Variants in PTPN23 observed in about 807,000 individuals in gnomAD.
The protein encoded by PTPN23 is tyrosine-protein phosphatase non-receptor type 23.
Under a neutral mutation model 156.3 loss-of-function variants are expected in PTPN23, and 72 were observed. The observed-to-expected ratio is 0.46, with a 90% confidence interval of 0.38 to 0.56. The LOEUF is 0.56. Among genes scored for constraint, PTPN23 ranks in the 20% least tolerant of loss-of-function variants. PTPN23 has a pLI of 0.00. For synonymous variants in PTPN23, 957 were observed against 899.6 expected (o/e 1.06, Z -1.14); for missense variants, 1,974 against 2,171.5 (o/e 0.91, Z 1.81).
At position 47,381,113 on chromosome 3, in the gene PTPN23, G is replaced by A. The variant is rs1186144844; in HGVS notation, c.17G>A (p.Arg6His). The A allele has an allele frequency of 6.3e-7, 1 of 1,582,674 alleles. No homozygotes were observed. ...CCAGCCGCCATGGAGGCCGTGCCCC[G>A]CATGCCCATGATCTGGCTGGACCTG... MEAVPRMPMIWLDLKE... is the reference protein window; with the variant it reads MEAVPHMPMIWLDLKE... Residue 6 changes from arginine (R) to histidine (H), a missense_variant, in exon 1 of 25, where the codon CGC (arginine) becomes CAC (histidine). Physicochemically the swap from Arg to His is conservative, Grantham distance 29 (BLOSUM62 0). Coordinates refer to ENST00000265562, the MANE Select transcript of PTPN23 (RefSeq NM_015466.4).
chr3:47,381,238 G>A (rs1704530448), intron 1 of PTPN23, 58 bp downstream of exon 1: 1 of 1,545,108 alleles, frequency 6.5e-7, no homozygotes, highest in Admixed American at 2.0e-5. Flanking sequence ...GTCTGCAAGC[G>A]CGTGACGCCC....
At chr3:47,387,854 G>T (rs2107693679) in intron 1 of PTPN23, among the ~76,000 whole-genome samples, 1 of 152,328 alleles carries the variant, frequency 6.6e-6, no homozygotes, top group South Asian at 2.1e-4. Flanking sequence ...TCTGGAGTCA[G>T]GAAATCTGTC....
chr3:47,408,945 G>C lies in PTPN23; in HGVS notation c.1500G>C (p.Lys500Asn), dbSNP rs755854788. ...CAGAGGTGAGGCGAGAATGGGCCAAGTACATGGAAGTCCATGAGAAGGCCT... is the reference window on the plus strand; with the variant it reads ...CAGAGGTGAGGCGAGAATGGGCCAACTACATGGAAGTCCATGAGAAGGCCT... ...ELAEVRREWA[K>N]YMEVHEKASF... The change falls in exon 16 of 25, where the codon AAG (lysine) becomes AAC (asparagine). Residue 500 changes from lysine (K) to asparagine (N), a missense_variant. Transcript: ENST00000265562. 1.9e-6 allele frequency: 3 copies of C among 1,614,118 alleles called. No homozygotes were observed. The African/African-American group carries it at 4.0e-5, about 22-fold the overall frequency.
At chr3:47,391,713 G>C (rs1315275540) in intron 1 of PTPN23, among the ~76,000 whole-genome samples, 2 of 152,130 alleles carry the variant, frequency 1.3e-5, no homozygotes, top group Admixed American at 6.5e-5. Flanking sequence ...GGAGTCTCCT[G>C]TCCATCTGAT....
At chr3:47,389,669 T>C (rs1704727871) in intron 1 of PTPN23, among the ~76,000 whole-genome samples, 1 of 151,760 alleles carries the variant, frequency 6.6e-6, no homozygotes, top group Non-Finnish European at 1.5e-5. Flanking sequence ...TGAATCCCCG[T>C]CTCCACTAAA....
chr3:47,390,352 C>T (rs1303032906), intron 1 of PTPN23, among the ~76,000 whole-genome samples: 1 of 151,358 alleles, frequency 6.6e-6, no homozygotes, highest in African/African-American at 2.4e-5. Context: ...GATCCCTGGA[C>T]GTGCCCTCAC....
At chr3:47,381,310 T>G (rs1704532489) in intron 1 of PTPN23, 130 bp downstream of exon 1, 1 of 1,293,606 alleles carries the variant, frequency 7.7e-7, no homozygotes, top group Admixed American at 2.3e-5. Context: ...AGGAGGGGCC[T>G]TCGCCGGTTT....
chr3:47,405,863 A>G lies in PTPN23; in HGVS notation c.415-52A>G. 6.2e-7 allele frequency: 1 copy of G among 1,601,040 alleles called. No individual in the cohort carries two copies. The highest frequency in any genetic ancestry group is 1.1e-5 in the South Asian group (1 of 89,388). On this transcript the variant is annotated intron_variant, in intron 5 of 24. Coordinates refer to ENST00000265562, the MANE Select transcript of PTPN23 (RefSeq NM_015466.4). This position sits in a 1 kb window ranked among gnomAD's most constrained non-coding sequence, Gnocchi z 4.7. The stretch of plus-strand genomic sequence containing the variant: ...GGGAGGGGCAGCCTCCCAAGTATGG[A>G]TGAATCCTGACCCATGGAGTGGACA...
At chr3:47,385,463 G>A (rs969627746) in intron 1 of PTPN23, among the ~76,000 whole-genome samples, 1 of 152,106 alleles carries the variant, frequency 6.6e-6, no homozygotes, top group Non-Finnish European at 1.5e-5. Flanking sequence ...GATTGCTTGA[G>A]TCCAGGAGTT....
chr3:47,406,392 G>A lies in PTPN23; in HGVS notation c.614G>A (p.Arg205His). Residue 205 changes from arginine to histidine, a missense_variant, in exon 7 of 25, where the codon CGC (arginine) becomes CAC (histidine). Coordinates refer to ENST00000265562, the MANE Select transcript of PTPN23 (RefSeq NM_015466.4). This position sits in a 1 kb window ranked among gnomAD's most constrained non-coding sequence, Gnocchi z 5.8. Reference sequence around the variant, plus strand: ...AACAGGAAGAGCTTTCTGGTGGCCCGCATCAGTGCACAGGTAGGGACGGGG... The same window carrying A: ...AACAGGAAGAGCTTTCTGGTGGCCCACATCAGTGCACAGGTAGGGACGGGG... ...LDNRKSFLVARISAQVVDYYK... is the reference protein window; with the variant it reads ...LDNRKSFLVAHISAQVVDYYK... 1.2e-6 allele frequency: 2 copies of A among 1,613,914 alleles called. No individual in the cohort carries two copies. The highest frequency in any genetic ancestry group is 1.7e-6 in the Non-Finnish European group (2 of 1,180,010).
Position 47,411,945 on chromosome 3 carries a change from C to T in PTPN23, c.4051C>T (p.His1351Tyr). ...CCTCAAGCGCTCTCTTGTGCACCTG[C>T]ACTTCCCCACTTGGCCTGAGTTGTG... ...QSLKRSLVHL[H>Y]FPTWPELGLP... Residue 1351 changes from histidine to tyrosine, a missense_variant, in exon 21 of 25, where the codon CAC (histidine) becomes TAC (tyrosine). His to Tyr is a moderately conservative substitution (Grantham distance 83). Around this residue, in one of 4 missense-constraint regions of PTPN23, gnomAD observed 484 missense variants for 516.0 expected, o/e 0.94. Transcript: ENST00000265562. This position sits in a 1 kb window ranked among gnomAD's most constrained non-coding sequence, Gnocchi z 6.3. The T allele has an allele frequency of 1.9e-6, 3 of 1,612,012 alleles. No homozygotes were observed. The highest frequency in any genetic ancestry group is 2.5e-6 in the Non-Finnish European group (3 of 1,179,172).
At chr3:47,381,699 T>G (rs571250685) in intron 1 of PTPN23, among the ~76,000 whole-genome samples, 1 of 152,308 alleles carries the variant, frequency 6.6e-6, no homozygotes, top group African/African-American at 2.4e-5. Flanking sequence ...GGTGAGGGTT[T>G]GTTTTACAAT....
chr3:47,402,953 G>A (rs1010589278), intron 2 of PTPN23, among the ~76,000 whole-genome samples: 1 of 151,922 alleles, frequency 6.6e-6, no homozygotes, highest in Admixed American at 6.6e-5. Flanking sequence ...TGATCCATCC[G>A]CCTTGGCCTC....
Position 47,405,810 on chromosome 3 carries a change from G to A in PTPN23, c.414+12G>A. ...GGGTGTCTGAGGAGGTGAGGAGAGG[G>A]GCAGTAGTGGAACATGTGGACATAC... On this transcript the variant is annotated intron_variant, in intron 5 of 24. Transcript: ENST00000265562. The surrounding 1 kb of genome is among the most constrained non-coding windows in gnomAD (Gnocchi z 4.7). The A allele has an allele frequency of 1.3e-6, 2 of 1,589,786 alleles. No individual in the cohort carries two copies. Among genetic ancestry groups the A allele is most frequent in the Non-Finnish European group, 8.6e-7 (1 of 1,167,638 alleles).
At chr3:47,395,444 G>C (rs747115284) in intron 1 of PTPN23, among the ~76,000 whole-genome samples, 3 of 152,202 alleles carry the variant, frequency 2.0e-5, no homozygotes, top group Non-Finnish European at 4.4e-5. Flanking sequence ...TGAACAGGGG[G>C]CCCTTTGGGC....
chr3:47,398,339 C>T (rs1408491683), intron 2 of PTPN23, among the ~76,000 whole-genome samples: 7 of 151,914 alleles, frequency 4.6e-5, no homozygotes, highest in Non-Finnish European at 2.9e-5. Context: ...AAGGAAGGCA[C>T]GTGAAAAACT....
chr3:47,406,321 C>T lies in PTPN23; in HGVS notation c.547-4C>T. 6.2e-7 allele frequency: 1 copy of T among 1,613,476 alleles called. No homozygotes were observed. The highest frequency in any genetic ancestry group is 8.5e-7 in the Non-Finnish European group (1 of 1,179,986). On this transcript the variant is annotated splice_region_variant and splice_polypyrimidine_tract_variant and intron_variant, in intron 6 of 24. Coordinates refer to ENST00000265562, the MANE Select transcript of PTPN23 (RefSeq NM_015466.4). The surrounding 1 kb of genome is among the most constrained non-coding windows in gnomAD (Gnocchi z 5.8). ...GAGGGAGTGCACCTCACGTGTCGCCCCAGGGCCAGGCTCAGGAGTGCCTCC... is the reference window on the plus strand; with the variant it reads ...GAGGGAGTGCACCTCACGTGTCGCCTCAGGGCCAGGCTCAGGAGTGCCTCC...
chr3:47,410,980 G>C lies in PTPN23; in HGVS notation c.3182G>C (p.Gly1061Ala). 1 of 1,608,098 alleles carries C rather than the reference G, an allele frequency of 6.2e-7. No homozygotes were observed. The highest frequency in any genetic ancestry group is 8.5e-7 in the Non-Finnish European group (1 of 1,177,234). The change falls in exon 20 of 25, where the codon GGC becomes GCC. Residue 1061 changes from glycine to alanine, a missense_variant. By Grantham distance (60) the Gly-to-Ala change is moderately conservative. Around this residue, in one of 4 missense-constraint regions of PTPN23, gnomAD observed 731 missense variants for 669.1 expected, o/e 1.09. Coordinates refer to ENST00000265562, the MANE Select transcript of PTPN23 (RefSeq NM_015466.4). ...YGPAPSTRPM[G>A]PQAAPLTIRG... is the part of the protein sequence containing the mutation. Reference sequence around the variant, plus strand: ...CCTGCCCCTTCTACCAGACCCATGGGCCCCCAGGCAGCCCCTCTTACCATT... The same window carrying C: ...CCTGCCCCTTCTACCAGACCCATGGCCCCCCAGGCAGCCCCTCTTACCATT...
Position 47,413,428 on chromosome 3 carries a change from G to C in PTPN23, c.*243G>C. The C allele has an allele frequency of 1.8e-6, 1 of 564,596 alleles. No individual in the cohort carries two copies. The highest frequency in any genetic ancestry group is 3.1e-6 in the Non-Finnish European group (1 of 327,622). 35.0% of individuals were successfully genotyped at this position (564,596 alleles called of 1,614,324 possible). A position where few individuals can be genotyped will look rare whatever the true frequency, so the allele number is the denominator to read the frequency against. The stretch of plus-strand genomic sequence containing the variant: ...TGCTATTGAAATAATAAACCACCCT[G>C]TTCTGTGGCCCGTGTCTGAGTCTGC... On this transcript the variant is annotated 3_prime_UTR_variant, in exon 25 of 25. Transcript: ENST00000265562.
Sources: allele counts gnomAD v4.1 joint callset (sites outside exome capture counted in the v4.1 genomes callset), GRCh38; gene constraint gnomAD v4.1.1; regional missense constraint gnomAD v4.1.1; non-coding constraint Gnocchi (gnomAD v3.1); transcripts MANE v1.5; gene names NCBI Gene and HGNC (gene_info 2026-07-23, HGNC 2026-07-21).